GLIS1: variants seen among roughly 807,000 people sequenced by gnomAD.
The protein encoded by GLIS1 is zinc finger protein GLIS1.
A neutral mutation model predicts 63.8 loss-of-function variants in GLIS1; 24 were observed. That is an observed-to-expected ratio of 0.38 (90% CI 0.27 to 0.53). The LOEUF (loss-of-function observed/expected upper bound fraction) is 0.53, where lower values mean the gene tolerates loss of function less well. Among genes scored for constraint, GLIS1 ranks in the 20% least tolerant of loss-of-function variants. GLIS1 has a pLI of 0.85. For missense variants in GLIS1, 1,036 were observed against 1,074.1 expected (o/e 0.96, Z 0.50); for synonymous variants, 450 against 482.5 (o/e 0.93, Z 0.88).
At chr1:53,613,410 G>T (rs1236677572) in intron 2 of GLIS1, among the ~76,000 whole-genome samples, 1 of 152,132 alleles carries the variant, frequency 6.6e-6, no homozygotes, top group Non-Finnish European at 1.5e-5. Context: ...GGACTGCAGA[G>T]TCAAAGAATA....
At chr1:53,538,677 C>T (rs1644607321) in intron 4 of GLIS1, among the ~76,000 whole-genome samples, 1 of 152,168 alleles carries the variant, frequency 6.6e-6, no homozygotes, top group Non-Finnish European at 1.5e-5. Flanking sequence ...AGGGACCATA[C>T]ACCTCCTCTG....
At position 53,585,640 on chromosome 1, in the gene GLIS1, T is replaced by G. The variant is rs560784350; in HGVS notation, c.1320+8468A>C. The stretch of plus-strand genomic sequence containing the variant: ...TCCAGCAAAGCTGCAGGCTGAGGCC[T>G]CAAGACCAGGAACTACATTTGGGGA... On this transcript the variant is annotated intron_variant, in intron 4 of 10. Transcript: ENST00000628545. Among the ~76,000 whole-genome samples the G allele has an allele frequency of 4.6e-5, 7 of 152,240 alleles. No homozygotes were observed. The East Asian group carries it at 1.4e-3, about 29-fold the overall frequency.
At chr1:53,550,624 A>C (rs1045886430) in intron 4 of GLIS1, among the ~76,000 whole-genome samples, 1 of 152,214 alleles carries the variant, frequency 6.6e-6, no homozygotes, top group African/African-American at 2.4e-5. Context: ...ACAGTGCCAC[A>C]GTCCCCACAC....
rs562693890 is a variant in GLIS1, at chr1:53,627,945, T to G, written c.260-27667A>C. 1.2e-4 allele frequency among the ~76,000 whole-genome samples: 19 copies of G among 152,348 alleles called. No individual in the cohort carries two copies. In the East Asian group the frequency reaches 3.1e-3, roughly 25 times the overall value. The stretch of plus-strand genomic sequence containing the variant: ...AGCTTGCTCCAGGCTATGTGGCCTG[T>G]GTCTCTTGACTCTAAAGCCCTTGCT... On this transcript the variant is annotated intron_variant, in intron 2 of 10. Coordinates refer to ENST00000628545, the MANE Select transcript of GLIS1 (RefSeq NM_001367484.1).
intron 2 of GLIS1, among the ~76,000 whole-genome samples, chr1:53,698,094 C>G (rs541010392): frequency 6.6e-6 from 1 of 150,608 alleles, no homozygotes; most frequent in Admixed American, 6.6e-5. Context: ...CCCCAATGCC[C>G]CAGACCAGAC....
chr1:53,522,562 C>T (rs1450274638), intron 6 of GLIS1, among the ~76,000 whole-genome samples: 1 of 152,212 alleles, frequency 6.6e-6, no homozygotes, highest in African/African-American at 2.4e-5. Context: ...GACCCTGGCT[C>T]TGGCACTTCT....
At chr1:53,565,253 G>A (rs1352995408) in intron 4 of GLIS1, among the ~76,000 whole-genome samples, 1 of 151,918 alleles carries the variant, frequency 6.6e-6, no homozygotes, top group Non-Finnish European at 1.5e-5. Flanking sequence ...GGCATTAAAA[G>A]GGAAATTTAT....
intron 5 of GLIS1, among the ~76,000 whole-genome samples, chr1:53,525,930 T>C (rs765607742): frequency 6.6e-6 from 1 of 152,158 alleles, no homozygotes; most frequent in Non-Finnish European, 1.5e-5. Context: ...GAGCGACTTG[T>C]CTGATTCATC....
At chr1:53,714,428 A>G (rs1393450683) in intron 2 of GLIS1, among the ~76,000 whole-genome samples, 1 of 152,218 alleles carries the variant, frequency 6.6e-6, no homozygotes, top group Non-Finnish European at 1.5e-5. Flanking sequence ...TTTACCCAGT[A>G]TCTCACCTGA....
At chr1:53,570,247 A>T (rs1045840510) in intron 4 of GLIS1, among the ~76,000 whole-genome samples, 21 of 151,714 alleles carry the variant, frequency 1.4e-4, no homozygotes, top group Non-Finnish European at 2.4e-4. Flanking sequence ...CTCCCAAGTC[A>T]CTGGGACTAC....
At chr1:53,537,351 C>T (rs914587804) in intron 4 of GLIS1, among the ~76,000 whole-genome samples, 14 of 152,242 alleles carry the variant, frequency 9.2e-5, no homozygotes, top group Non-Finnish European at 1.3e-4. Context: ...CAGTGCCTGG[C>T]GTGCCGCTGG....
Position 53,600,114 on chromosome 1 carries a change from G to A in GLIS1, c.424C>T (p.Pro142Ser). 7.3e-6 allele frequency: 9 copies of A among 1,230,948 alleles called. No homozygotes were observed. The highest frequency in any genetic ancestry group is 9.1e-6 in the Non-Finnish European group (9 of 986,814). 76.3% of individuals were successfully genotyped at this position (1,230,948 alleles called of 1,614,324 possible). A position where few individuals can be genotyped will look rare whatever the true frequency, so the allele number is the denominator to read the frequency against. The change falls in exon 3 of 11, where the codon CCC becomes TCC. Residue 142 changes from proline to serine, a missense_variant. Coordinates refer to ENST00000628545, the MANE Select transcript of GLIS1 (RefSeq NM_001367484.1). ...PQACERLLHFPHPDRSPRPQA... is the reference protein window; with the variant it reads ...PQACERLLHFSHPDRSPRPQA... ...GCCCACACCTACCTGTCAGGGTGGG[G>A]GAAATGCAGCAGCCTCTCACAAGCT...
intron 2 of GLIS1, among the ~76,000 whole-genome samples, chr1:53,693,473 T>C (rs888146151): frequency 2.0e-5 from 3 of 152,214 alleles, no homozygotes; most frequent in Admixed American, 1.3e-4. Context: ...AGGCCAGAAC[T>C]GCTAAGTCTG....
At chr1:53,565,300 T>C (rs904978926) in intron 4 of GLIS1, among the ~76,000 whole-genome samples, 1 of 151,974 alleles carries the variant, frequency 6.6e-6, no homozygotes, top group East Asian at 1.9e-4. Context: ...AGGCTGAAAA[T>C]TAATGTGCTA....
chr1:53,508,800 A>C (rs1051726603), intron 10 of GLIS1, among the ~76,000 whole-genome samples: 1 of 152,250 alleles, frequency 6.6e-6, no homozygotes, highest in African/African-American at 2.4e-5. Flanking sequence ...TGCCTGGCAC[A>C]CAGTAGGTGC....
chr1:53,614,908 A>T lies in GLIS1; in HGVS notation c.260-14630T>A, dbSNP rs561792718. Among the ~76,000 whole-genome samples, 231 of 149,768 alleles carry T rather than the reference A, an allele frequency of 1.5e-3. 2 individuals are homozygous for T. The highest frequency in any genetic ancestry group is 5.4e-3 in the African/African-American group (212 of 39,538). On this transcript the variant is annotated intron_variant, in intron 2 of 10. Coordinates refer to ENST00000628545, the MANE Select transcript of GLIS1 (RefSeq NM_001367484.1). The stretch of plus-strand genomic sequence containing the variant: ...CTTATACTCACATATTCGTGCACAC[A>T]CTCACACACACTCTCACACACATAT...
At chr1:53,658,094 A>G (rs1645986444) in intron 2 of GLIS1, among the ~76,000 whole-genome samples, 2 of 152,042 alleles carry the variant, frequency 1.3e-5, no homozygotes, top group East Asian at 3.9e-4. Context: ...CATTCCCCAG[A>G]TGGAGCACAC....
intron 2 of GLIS1, among the ~76,000 whole-genome samples, chr1:53,681,523 T>C (rs1053591640): frequency 6.6e-6 from 1 of 152,152 alleles, no homozygotes; most frequent in African/African-American, 2.4e-5. Context: ...ATGGGAGAAG[T>C]GGATGCCACC....
intron 4 of GLIS1, among the ~76,000 whole-genome samples, chr1:53,561,662 A>C (rs1644893378): frequency 6.6e-6 from 1 of 152,160 alleles, no homozygotes; most frequent in African/African-American, 2.4e-5. Flanking sequence ...GGCTGGCTGC[A>C]CTCACTCAGG....
Sources: gnomAD v4.1 joint callset for allele counts (sites outside exome capture counted in the v4.1 genomes callset) on GRCh38, gnomAD v4.1.1 for gene constraint, MANE v1.5 for transcripts, NCBI Gene and HGNC (gene_info 2026-07-23, HGNC 2026-07-21) for gene names.